Variants in MLLT10 observed in about 807,000 individuals in gnomAD.
MLLT10 encodes MLLT10 histone lysine methyltransferase DOT1L cofactor.
A neutral mutation model predicts 129.1 loss-of-function variants in MLLT10; 30 were observed. That is an observed-to-expected ratio of 0.23 (90% CI 0.17 to 0.32). The LOEUF is 0.32. MLLT10 is among the 10% of genes least tolerant of loss of function. The pLI is 1.00. For synonymous variants in MLLT10, 490 were observed against 446.4 expected (o/e 1.10, Z -1.23); for missense variants, 1,119 against 1,268.3 (o/e 0.88, Z 1.79).
rs2131573296 is a variant in MLLT10, at chr10:21,730,882, G to C, written c.2064-18G>C. On this transcript the variant is annotated intron_variant, in intron 16 of 22. Coordinates refer to ENST00000307729, the MANE Select transcript of MLLT10 (RefSeq NM_001195626.3). ...AAAGCATTCCCCTTCTTTTTAACTT[G>C]AGAATTGTTTTCAACAGATCCCCTG... is the stretch of plus-strand genomic sequence containing the variant. The C allele has an allele frequency of 1.2e-6, 2 of 1,613,960 alleles. No homozygotes were observed. The highest frequency in any genetic ancestry group is 2.2e-5 in the East Asian group (1 of 44,870).
chr10:21,683,224 C>CT (rs2052930281), intron 13 of MLLT10, among the ~76,000 whole-genome samples: 2 of 151,178 alleles, frequency 1.3e-5, no homozygotes, highest in Admixed American at 1.3e-4. Flanking sequence ...GGGTGGGAGT[C>CT]TTATCTTATA....
chr10:21,581,069 G>A (rs1421062463), intron 3 of MLLT10, among the ~76,000 whole-genome samples: 9 of 139,090 alleles, frequency 6.5e-5, no homozygotes, highest in African/African-American at 1.9e-4. Flanking sequence ...TTTTTGAGAC[G>A]GAGTCTTGCT....
chr10:21,559,755 C>T (rs1277515504), intron 3 of MLLT10, among the ~76,000 whole-genome samples: 3 of 152,152 alleles, frequency 2.0e-5, no homozygotes, highest in Non-Finnish European at 4.4e-5. Flanking sequence ...CAAGGTTCGT[C>T]TATGTTGTAG....
intron 13 of MLLT10, among the ~76,000 whole-genome samples, chr10:21,696,652 A>T (rs2054391086): frequency 6.6e-6 from 1 of 152,100 alleles, no homozygotes. Context: ...TATGCTTAGC[A>T]TGTGTGTCCA....
intron 3 of MLLT10, among the ~76,000 whole-genome samples, chr10:21,555,675 ATTTTT>A (rs748016694): frequency 7.5e-6 from 1 of 132,774 alleles, no homozygotes; most frequent in Non-Finnish European, 1.6e-5. Context: ...ATGTAAGACA[ATTTTT>A]TTTTTTTTTT....
chr10:21,639,364 T>A (rs763687529), intron 8 of MLLT10, among the ~76,000 whole-genome samples: 1 of 152,180 alleles, frequency 6.6e-6, no homozygotes, highest in Non-Finnish European at 1.5e-5. Flanking sequence ...TTGATGCTGA[T>A]TCTAAGCCCC....
At chr10:21,667,695 G>A (rs1168614375) in intron 9 of MLLT10, among the ~76,000 whole-genome samples, 1 of 152,064 alleles carries the variant, frequency 6.6e-6, no homozygotes, top group East Asian at 1.9e-4. Context: ...TGAAGGCATA[G>A]CACTTGCCAT....
chr10:21,613,317 T>A (rs2044857419), intron 6 of MLLT10, among the ~76,000 whole-genome samples: 1 of 151,698 alleles, frequency 6.6e-6, no homozygotes, highest in Non-Finnish European at 1.5e-5. Flanking sequence ...TTGGGAATAA[T>A]CTGTGCACTA....
chr10:21,704,176 A>T (rs2055231437), intron 13 of MLLT10, among the ~76,000 whole-genome samples: 1 of 149,970 alleles, frequency 6.7e-6, no homozygotes, highest in Non-Finnish European at 1.5e-5. Flanking sequence ...CACCTGGCTG[A>T]CTTTTGTATT....
chr10:21,534,876 C>A, intron 2 of MLLT10, 72 bp downstream of exon 2: 1 of 1,082,312 alleles, frequency 9.2e-7, no homozygotes, highest in Non-Finnish European at 1.1e-6. Flanking sequence ...ACCTGGGCCG[C>A]AACCGCCGGC....
At chr10:21,667,597 G>C (rs1218169538) in intron 9 of MLLT10, among the ~76,000 whole-genome samples, 1 of 151,448 alleles carries the variant, frequency 6.6e-6, no homozygotes, top group Admixed American at 6.6e-5. Flanking sequence ...GGTTGGCTTG[G>C]TACAAAGTTT....
At position 21,731,613 on chromosome 10, in the gene MLLT10, T is replaced by G. The variant is rs1284750930; in HGVS notation, c.2218+559T>G. On this transcript the variant is annotated intron_variant, in intron 17 of 22. Transcript: ENST00000307729. ...AGTATGGCCGGCTAGCTTCTTCATT[T>G]TATAATTTGGAGGAAGAATAATAAT... Among the ~76,000 whole-genome samples, 3 of 152,196 alleles carry G rather than the reference T, an allele frequency of 2.0e-5. No homozygotes were observed. The East Asian group carries it at 5.8e-4, about 29-fold the overall frequency.
chr10:21,549,919 G>T (rs1169752272), intron 3 of MLLT10, among the ~76,000 whole-genome samples: 1 of 152,140 alleles, frequency 6.6e-6, no homozygotes, highest in South Asian at 2.1e-4. Context: ...GATTACAGGC[G>T]TGAGCCATCG....
chr10:21,681,340 A>G lies in MLLT10; in HGVS notation c.1630A>G (p.Met544Val), dbSNP rs775706714. 2 of 1,612,692 alleles carry G rather than the reference A, an allele frequency of 1.2e-6. No homozygotes were observed. The highest frequency in any genetic ancestry group is 1.7e-6 in the Non-Finnish European group (2 of 1,179,714). ...GSSPVGSEIS[M>V]QYRHDGACPT... is the part of the protein sequence containing the mutation. ...TTCCTTCCTCTCAACAGAAATTTCCATGCAGTATCGGCATGATGGAGCTTG... is the reference window on the plus strand; with the variant it reads ...TTCCTTCCTCTCAACAGAAATTTCCGTGCAGTATCGGCATGATGGAGCTTG... Residue 544 changes from methionine (M) to valine (V), a missense_variant, in exon 12 of 23, where the codon ATG becomes GTG. Transcript: ENST00000307729.
At chr10:21,644,228 G>A (rs1044029380) in intron 8 of MLLT10, among the ~76,000 whole-genome samples, 3 of 152,034 alleles carry the variant, frequency 2.0e-5, no homozygotes, top group Non-Finnish European at 4.4e-5. Flanking sequence ...TGTGATATTT[G>A]GCTATCTCAT....
At chr10:21,717,716 T>TCCTCCTCC (rs2056786442) in intron 14 of MLLT10, among the ~76,000 whole-genome samples, 5 of 17,464 alleles carry the variant, frequency 2.9e-4, no homozygotes, top group Admixed American at 6.4e-4. Context: ...CCTCCTCCTC[T>TCCTCCTCC]TCCTCCTCCT....
intron 6 of MLLT10, among the ~76,000 whole-genome samples, chr10:21,612,686 A>C (rs1220557152): frequency 6.6e-6 from 1 of 152,170 alleles, no homozygotes; most frequent in African/African-American, 2.4e-5. Flanking sequence ...TGTAAGCTTC[A>C]GTTTCGTCTT....
chr10:21,680,331 A>G (rs1043781056), intron 11 of MLLT10, among the ~76,000 whole-genome samples: 4 of 151,642 alleles, frequency 2.6e-5, no homozygotes, highest in African/African-American at 9.7e-5. Flanking sequence ...TCAGCCTCCC[A>G]AGTAGCTCGG....
intron 22 of MLLT10, among the ~76,000 whole-genome samples, chr10:21,740,868 C>T (rs1564763156): frequency 6.6e-6 from 1 of 152,134 alleles, no homozygotes; most frequent in Non-Finnish European, 1.5e-5. Flanking sequence ...ATTAGGTCTA[C>T]TTTACTGGAG....
Sources: gnomAD v4.1 joint callset for allele counts (sites outside exome capture counted in the v4.1 genomes callset) on GRCh38, gnomAD v4.1.1 for gene constraint, MANE v1.5 for transcripts, NCBI Gene and HGNC (gene_info 2026-07-23, HGNC 2026-07-21) for gene names.